HAUS5: variants seen among roughly 807,000 people sequenced by gnomAD.
The protein encoded by HAUS5 is HAUS augmin-like complex subunit 5.
Under a neutral mutation model 94.1 loss-of-function variants are expected in HAUS5, and 67 were observed. The observed-to-expected ratio is 0.71, with a 90% confidence interval of 0.58 to 0.87. The LOEUF (loss-of-function observed/expected upper bound fraction) is 0.87, where lower values mean the gene tolerates loss of function less well. Ranked by LOEUF, HAUS5 falls within the 40% of genes least tolerant of loss-of-function variation. The pLI, the probability that HAUS5 is intolerant of heterozygous loss-of-function variation, is 0.00. For missense variants in HAUS5, 739 were observed against 825.6 expected (o/e 0.90, Z 1.29); for synonymous variants, 339 against 355.4 (o/e 0.95, Z 0.52).
Position 35,621,261 on chromosome 19 carries a change from G to C in HAUS5, c.1651+934G>C, listed in dbSNP as rs115633528. 6.9e-3 allele frequency among the ~76,000 whole-genome samples: 1,052 copies of C among 152,316 alleles called. 15 individuals are homozygous for C. Among genetic ancestry groups the C allele is most frequent in the African/African-American group, 0.024 (999 of 41,570 alleles). Reference sequence around the variant, plus strand: ...AGGGAACAGTGTGCAGGAGCAATGAGAGCAGCCCCAGACCCCACACGGCCT... The same window carrying C: ...AGGGAACAGTGTGCAGGAGCAATGACAGCAGCCCCAGACCCCACACGGCCT... On this transcript the variant is annotated intron_variant, in intron 17 of 18. Coordinates refer to ENST00000203166, the MANE Select transcript of HAUS5 (RefSeq NM_015302.2).
At position 35,612,895 on chromosome 19, in the gene HAUS5, G is replaced by A. The variant is rs1217402642; in HGVS notation, c.98+3G>A. 6.5e-7 allele frequency: 1 copy of A among 1,538,112 alleles called. No individual in the cohort carries two copies. The highest frequency in any genetic ancestry group is 1.2e-5 in the South Asian group (1 of 83,078). Reference sequence around the variant, plus strand: ...GCCCCGGAATCGACGCTGCGCAGGTGAGGACCGCTCCTGGAGTGAGGACAC... The same window carrying A: ...GCCCCGGAATCGACGCTGCGCAGGTAAGGACCGCTCCTGGAGTGAGGACAC... On this transcript the variant is annotated splice_donor_region_variant and intron_variant, in intron 1 of 18. Transcript: ENST00000203166.
At position 35,620,018 on chromosome 19, in the gene HAUS5, G is replaced by A; in HGVS notation, c.1413G>A (p.Lys471=). 1.2e-6 allele frequency: 2 copies of A among 1,610,984 alleles called. No individual in the cohort carries two copies. The highest frequency in any genetic ancestry group is 1.7e-6 in the Non-Finnish European group (2 of 1,178,444). The change falls in exon 16 of 19, where the codon AAG becomes AAA. Residue 471 remains lysine (K), a synonymous_variant. Transcript: ENST00000203166. ...GACTTCTCCCCGCCCGTAGGTTGAAGCCCCTGCCCACGGTCCTCCCATCCA... is the reference window on the plus strand; with the variant it reads ...GACTTCTCCCCGCCCGTAGGTTGAAACCCCTGCCCACGGTCCTCCCATCCA... ...TLLRHRPGEL[K]PLPTVLPSIH... is the part of the protein sequence containing the mutation.
At chr19:35,612,944 G>C in intron 1 of HAUS5, 52 bp downstream of exon 1, 1 of 1,253,184 alleles carries the variant, frequency 8.0e-7, no homozygotes, top group Non-Finnish European at 1.1e-6. Context: ...TTGAGTCTCC[G>C]GGAGTGAGAA....
rs1967142103 is a variant in HAUS5 at position 35,618,422 on chromosome 19, C to G, written c.842C>G (p.Ser281Ter). Reference sequence around the variant, plus strand: ...CCCAGACCCCAGGCCCCGGACCAGTCAGACTCCAGCCAGACCCTGCCGTCC... The same window carrying G: ...CCCAGACCCCAGGCCCCGGACCAGTGAGACTCCAGCCAGACCCTGCCGTCC... Reference protein sequence around the residue: ...EISRPQAPDQSDSSQTLPSMV... With the variant: ...EISRPQAPDQ Residue 281 changes from serine to a stop codon, truncating the protein, a stop_gained, in exon 11 of 19, where the codon TCA (serine) becomes TGA (stop). Transcript: ENST00000203166. LOFTEE classifies it high-confidence loss of function. The G allele has an allele frequency of 6.2e-7, 1 of 1,600,408 alleles. No homozygotes were observed.
chr19:35,619,537 G>A (rs761873788), intron 14 of HAUS5, 33 bp downstream of exon 14: 1 of 1,607,882 alleles, frequency 6.2e-7, no homozygotes, highest in African/African-American at 1.3e-5. Context: ...GTCTGGGTAG[G>A]GCTGGATCTG....
rs763865440 is a variant in HAUS5 at position 35,615,290 on chromosome 19, G to C, written c.389G>C (p.Arg130Pro). The stretch of plus-strand genomic sequence containing the variant: ...ACCCAGCGTCGAGCTCTCCTCCTCC[G>C]GGCCCAAGCTGGGGCCATGCGAAGA... Reference protein sequence around the residue: ...QDTQRRALLLRAQAGAMRRQQ... With the variant: ...QDTQRRALLLPAQAGAMRRQQ... The change falls in exon 6 of 19, where the codon CGG (arginine) becomes CCG (proline). Residue 130 changes from arginine (R) to proline (P), a missense_variant. Physicochemically the swap from Arg to Pro is moderately radical, Grantham distance 103. Transcript: ENST00000203166. 1.9e-6 allele frequency: 3 copies of C among 1,613,798 alleles called. No individual in the cohort carries two copies. Among genetic ancestry groups the C allele is most frequent in the Non-Finnish European group, 2.5e-6 (3 of 1,179,978 alleles).
chr19:35,615,540 C>T (rs1284582236), intron 6 of HAUS5, among the ~76,000 whole-genome samples, 154 bp downstream of exon 6: 1 of 152,190 alleles, frequency 6.6e-6, no homozygotes, highest in African/African-American at 2.4e-5. Flanking sequence ...ATCTCAGTCA[C>T]CTGTATTTTC....
chr19:35,619,585 C>CT, intron 14 of HAUS5, 28 bp from the exon 15 acceptor site: 2 of 1,455,200 alleles, frequency 1.4e-6, no homozygotes. Flanking sequence ...TGTTGTGATG[C>CT]CCCACCCACC....
chr19:35,612,917 A>G, intron 1 of HAUS5, 25 bp downstream of exon 1: 13 of 1,448,850 alleles, frequency 9.0e-6, no homozygotes, highest in African/African-American at 1.5e-5. Flanking sequence ...TGGAGTGAGG[A>G]CACCCCACCC....
At chr19:35,619,587 C>T in intron 14 of HAUS5, 26 bp from the exon 15 acceptor site, 2 of 1,463,098 alleles carry the variant, frequency 1.4e-6, no homozygotes, top group Non-Finnish European at 1.9e-6. Context: ...TTGTGATGCC[C>T]CACCCACCCC....
chr19:35,619,584 G>GCCGCCCCC, intron 14 of HAUS5, 29 bp from the exon 15 acceptor site: 2 of 1,533,886 alleles, frequency 1.3e-6, no homozygotes, highest in East Asian at 2.3e-5. Flanking sequence ...ATGTTGTGAT[G>GCCGCCCCC]CCCCACCCAC....
intron 6 of HAUS5, among the ~76,000 whole-genome samples, chr19:35,616,334 G>A (rs2071943045): frequency 6.6e-6 from 1 of 151,840 alleles, no homozygotes; most frequent in Non-Finnish European, 1.5e-5. Flanking sequence ...AAAAAAATTG[G>A]GTGACCTTGG....
chr19:35,618,822 G>T, intron 12 of HAUS5, 65 bp from the exon 13 acceptor site: 1 of 1,536,690 alleles, frequency 6.5e-7, no homozygotes, highest in Non-Finnish European at 8.8e-7. Flanking sequence ...TCTCTCCCTG[G>T]TTTATGGTCC....
intron 4 of HAUS5, among the ~76,000 whole-genome samples, chr19:35,614,581 C>T (rs2071924677): frequency 1.3e-5 from 2 of 151,892 alleles, no homozygotes; most frequent in African/African-American, 4.8e-5. Flanking sequence ...GAGACTCTAT[C>T]TCAAAAAAAG....
At chr19:35,615,578 C>T (rs190905462) in intron 6 of HAUS5, among the ~76,000 whole-genome samples, 192 bp downstream of exon 6, 13 of 152,304 alleles carry the variant, frequency 8.5e-5, no homozygotes, top group African/African-American at 2.6e-4. Flanking sequence ...CACCTGTATA[C>T]CTAGAACACC....
In HAUS5 at chr19:35,623,182, G is replaced by C. The variant is rs570088805; in HGVS notation, c.*189G>C. The C allele has an allele frequency of 5.1e-6, 3 of 588,206 alleles. No individual in the cohort carries two copies. The highest frequency in any genetic ancestry group is 3.7e-5 in the African/African-American group (2 of 53,628). The allele number at this position is 588,206 out of a possible 1,614,324, so 36.4% of individuals were successfully genotyped here. ...GACCCTGTCCTTTCATCCCGCTAAA[G>C]CACCCCCTAAAACCCCTTCATCACT... is the stretch of plus-strand genomic sequence containing the variant. On this transcript the variant is annotated 3_prime_UTR_variant, in exon 19 of 19. Transcript: ENST00000203166.
chr19:35,619,337 TC>T, intron 13 of HAUS5, 86 bp from the exon 14 acceptor site: 1 of 1,088,228 alleles, frequency 9.2e-7, no homozygotes, highest in Non-Finnish European at 1.3e-6. Flanking sequence ...CAGGTGAGAC[TC>T]CCAGGCAGAA....
chr19:35,618,115 G>A lies in HAUS5; in HGVS notation c.741G>A (p.Leu247=). The part of the protein sequence containing the change: ...NHPPGHVLAA[L]EHLAAEREAE... The stretch of plus-strand genomic sequence containing the variant: ...CCCCAGGCCACGTCCTGGCTGCCTT[G>A]GAGCACCTGGCTGCAGAGCGGGAGG... The change falls in exon 10 of 19, where the codon TTG becomes TTA. Residue 247 remains leucine, a synonymous_variant. Coordinates refer to ENST00000203166, the MANE Select transcript of HAUS5 (RefSeq NM_015302.2). The A allele has an allele frequency of 6.2e-7, 1 of 1,608,896 alleles. No homozygotes were observed. The highest frequency in any genetic ancestry group is 1.1e-5 in the South Asian group (1 of 90,636).
At chr19:35,613,965 C>T (rs1055624079) in intron 3 of HAUS5, 65 bp downstream of exon 3, 11 of 1,606,282 alleles carry the variant, frequency 6.8e-6, no homozygotes, top group Admixed American at 6.7e-5. Context: ...GTCCCCACCA[C>T]AGCATCACAC....
Sources: allele counts gnomAD v4.1 joint callset (sites outside exome capture counted in the v4.1 genomes callset), GRCh38; gene constraint gnomAD v4.1.1; transcripts MANE v1.5; gene names NCBI Gene and HGNC (gene_info 2026-07-23, HGNC 2026-07-21).